Variants in NCKAP5 observed in about 807,000 individuals in gnomAD.
NCKAP5 encodes the protein NCK associated protein 5.
A neutral mutation model predicts 167.0 loss-of-function variants in NCKAP5; 92 were observed. The observed-to-expected ratio is 0.55, with a 90% confidence interval of 0.47 to 0.66. The LOEUF is 0.66. Among genes scored for constraint, NCKAP5 ranks in the 30% least tolerant of loss-of-function variants. The probability of loss-of-function intolerance (pLI) is 0.00; values close to 1 mark genes in which losing one functional copy is unlikely to be tolerated. For missense variants in NCKAP5, 2,378 were observed against 2,315.0 expected (o/e 1.03, Z -0.56); for synonymous variants, 891 against 877.4 (o/e 1.02, Z -0.27).
chr2:133,548,825 G>T (rs1025369058), intron 2 of NCKAP5, among the ~76,000 whole-genome samples: 1 of 151,500 alleles, frequency 6.6e-6, no homozygotes, highest in East Asian at 1.9e-4. Context: ...ATCAACTAAC[G>T]AGCAAAATCA....
intron 5 of NCKAP5, among the ~76,000 whole-genome samples, chr2:133,141,820 T>C (rs1434229): frequency 0.18 from 27,958 of 152,146 alleles, 2,809 homozygotes; most frequent in Non-Finnish European, 0.22. Context: ...GTAGATTATA[T>C]GAGAAACCTA....
At chr2:133,269,424 T>C (rs1486931537) in intron 4 of NCKAP5, among the ~76,000 whole-genome samples, 1 of 152,168 alleles carries the variant, frequency 6.6e-6, no homozygotes, top group Non-Finnish European at 1.5e-5. Context: ...CTGAGAATGC[T>C]AAGCCTGAAT....
intron 5 of NCKAP5, among the ~76,000 whole-genome samples, chr2:133,210,193 T>TATAATATAATATAAC (rs1224715676): frequency 6.7e-6 from 1 of 148,950 alleles, no homozygotes; most frequent in Non-Finnish European, 1.5e-5. Context: ...TATAATATAA[T>TATAATATAATATAAC]ATAACATAAT....
intron 4 of NCKAP5, among the ~76,000 whole-genome samples, chr2:133,297,391 T>C (rs1242373812): frequency 3.3e-5 from 5 of 152,282 alleles, no homozygotes; most frequent in Middle Eastern, 3.4e-3. Flanking sequence ...TGCTCATTGC[T>C]AGACAGTTAT....
At chr2:132,841,533 C>T (rs769911681) in intron 11 of NCKAP5, among the ~76,000 whole-genome samples, 25 of 151,926 alleles carry the variant, frequency 1.6e-4, no homozygotes, top group African/African-American at 6.0e-4. Flanking sequence ...GTCTTATTAC[C>T]TTTACTAGAA....
intron 2 of NCKAP5, among the ~76,000 whole-genome samples, chr2:133,550,957 G>T (rs1163659153): frequency 6.6e-6 from 1 of 151,686 alleles, no homozygotes; most frequent in Non-Finnish European, 1.5e-5. Context: ...ACCAACAACA[G>T]ACAAACAGCC....
intron 11 of NCKAP5, among the ~76,000 whole-genome samples, chr2:132,798,738 G>C (rs1386181800): frequency 6.6e-6 from 1 of 152,156 alleles, no homozygotes; most frequent in Non-Finnish European, 1.5e-5. Flanking sequence ...AGAGGTCCTG[G>C]GGCAAGGGCC....
chr2:132,966,573 A>G (rs1276605894), intron 7 of NCKAP5, among the ~76,000 whole-genome samples: 2 of 152,176 alleles, frequency 1.3e-5, no homozygotes, highest in Non-Finnish European at 2.9e-5. Context: ...GAAATGTGAA[A>G]TTATTGTTCC....
intron 6 of NCKAP5, among the ~76,000 whole-genome samples, chr2:133,010,074 A>AT (rs1220474528): frequency 8.0e-6 from 1 of 125,534 alleles, no homozygotes; most frequent in African/African-American, 2.8e-5. Context: ...CTGTCTCAAA[A>AT]AAAAAAAATA....
chr2:132,982,373 C>A (rs1199937332), intron 7 of NCKAP5, among the ~76,000 whole-genome samples: 1 of 152,168 alleles, frequency 6.6e-6, no homozygotes, highest in Non-Finnish European at 1.5e-5. Flanking sequence ...AGCTAGGATT[C>A]ATTTCCAGGT....
chr2:132,783,131 G>A lies in NCKAP5; in HGVS notation c.3680C>T (p.Thr1227Ile). The A allele has an allele frequency of 1.9e-6, 3 of 1,613,560 alleles. No homozygotes were observed. The highest frequency in any genetic ancestry group is 2.5e-6 in the Non-Finnish European group (3 of 1,179,746). ...ACTTTCCAATGGCTCTTGTAGTGCTGTTTCCAGGGGAAGCCCATCAGCTAA... is the reference window on the plus strand; with the variant it reads ...ACTTTCCAATGGCTCTTGTAGTGCTATTTCCAGGGGAAGCCCATCAGCTAA... ...GSLADGLPLE[T>I]ALQEPLESSI... is the part of the protein sequence containing the mutation. Residue 1227 changes from threonine (T) to isoleucine (I), a missense_variant, in exon 14 of 20, where the codon ACA (threonine) becomes ATA (isoleucine). By Grantham distance (89) the Thr-to-Ile change is moderately conservative. Around this residue, in one of 3 missense-constraint regions of NCKAP5, gnomAD observed 1,325 missense variants for 1,274.5 expected, o/e 1.04. Transcript: ENST00000409261.
chr2:132,692,149 A>T lies in NCKAP5; in HGVS notation c.5714-18844T>A, dbSNP rs566176189. Among the ~76,000 whole-genome samples, 252 of 145,974 alleles carry T rather than the reference A, an allele frequency of 1.7e-3. 2 individuals are homozygous for T. Among genetic ancestry groups the T allele is most frequent in the African/African-American group, 6.4e-3 (238 of 37,456 alleles). Reference sequence around the variant, plus strand: ...ATTTTATTTTATTTTATTTTATTTTATTTTATTTTTTGAGACAGAGTCTCA... The same window carrying T: ...ATTTTATTTTATTTTATTTTATTTTTTTTTATTTTTTGAGACAGAGTCTCA... On this transcript the variant is annotated intron_variant, in intron 19 of 19. Coordinates refer to ENST00000409261, the MANE Select transcript of NCKAP5 (RefSeq NM_207363.3).
At chr2:133,425,604 A>G (rs1177504739) in intron 3 of NCKAP5, among the ~76,000 whole-genome samples, 3 of 152,258 alleles carry the variant, frequency 2.0e-5, no homozygotes, top group African/African-American at 7.2e-5. Context: ...TGAAATCAAA[A>G]TGAATGACAA....
intron 6 of NCKAP5, among the ~76,000 whole-genome samples, chr2:133,006,741 C>T (rs2077984367): frequency 6.6e-6 from 1 of 152,014 alleles, no homozygotes; most frequent in Admixed American, 6.6e-5. Flanking sequence ...TAATCTGTTG[C>T]TAATTTTTTT....
intron 4 of NCKAP5, among the ~76,000 whole-genome samples, chr2:133,261,456 G>A (rs2088902737): frequency 6.6e-6 from 1 of 152,070 alleles, no homozygotes; most frequent in East Asian, 1.9e-4. Flanking sequence ...TCTTTGAAAA[G>A]GTCCAAAGAT....
At chr2:132,991,438 G>A (rs913693366) in intron 7 of NCKAP5, among the ~76,000 whole-genome samples, 2 of 152,196 alleles carry the variant, frequency 1.3e-5, no homozygotes, top group African/African-American at 2.4e-5. Context: ...GACCGTCTCA[G>A]TTGCTGAACA....
chr2:133,366,206 A>G (rs1685449499), intron 3 of NCKAP5, among the ~76,000 whole-genome samples: 1 of 152,238 alleles, frequency 6.6e-6, no homozygotes, highest in Non-Finnish European at 1.5e-5. Context: ...CTATCTCTGT[A>G]AATCTCTTAT....
chr2:132,889,385 A>G (rs1458068582), intron 8 of NCKAP5, among the ~76,000 whole-genome samples: 1 of 152,246 alleles, frequency 6.6e-6, no homozygotes, highest in Non-Finnish European at 1.5e-5. Flanking sequence ...TTTTATGTGT[A>G]CATTCAATTA....
chr2:133,349,292 G>T lies in NCKAP5; in HGVS notation c.70-46182C>A, dbSNP rs866789982. 3.3e-5 allele frequency among the ~76,000 whole-genome samples: 5 copies of T among 152,300 alleles called. No individual in the cohort carries two copies. In the South Asian group the frequency reaches 1.0e-3, roughly 32 times the overall value. ...TACCCTGGCTGCCCTAGGAAGAAGA[G>T]AGTTTCCAGTTAACGGGAGGAAAAC... On this transcript the variant is annotated intron_variant, in intron 3 of 19. Transcript: ENST00000409261.
Sources: gnomAD v4.1 joint callset for allele counts (sites outside exome capture counted in the v4.1 genomes callset) on GRCh38, gnomAD v4.1.1 for gene constraint, gnomAD v4.1.1 regional missense constraint, MANE v1.5 for transcripts, NCBI Gene and HGNC (gene_info 2026-07-23, HGNC 2026-07-21) for gene names.